Variants in PCDHGA9 observed in about 807,000 individuals in gnomAD.
PCDHGA9 encodes protocadherin gamma subfamily A, 9, also known as protocadherin gamma-A9.
PCDHGA9 carries 37 observed loss-of-function variants against 62.5 expected under a neutral mutation model. That is an observed-to-expected ratio of 0.59 (90% CI 0.46 to 0.78). The LOEUF is 0.78. Among genes scored for constraint, PCDHGA9 ranks in the 30% least tolerant of loss-of-function variants. PCDHGA9 has a pLI of 0.00. For synonymous variants in PCDHGA9, 459 were observed against 484.6 expected (o/e 0.95, Z 0.69); for missense variants, 1,138 against 1,166.2 (o/e 0.98, Z 0.35).
In PCDHGA9 at chr5:141,438,327, A is replaced by G. The variant is rs369043587; in HGVS notation, c.2424+32951A>G. 1.5e-4 allele frequency among the ~76,000 whole-genome samples: 23 copies of G among 152,106 alleles called. No homozygotes were observed. The East Asian group carries it at 4.1e-3, about 27-fold the overall frequency. ...TTGGTACCACCATAATTTTTCTTAT[A>G]CATGTCATATAAGGATCTACTCTGT... On this transcript the variant is annotated intron_variant, in intron 1 of 3. Transcript: ENST00000573521.
intron 2 of PCDHGA9, among the ~76,000 whole-genome samples, chr5:141,504,968 C>A (rs1377016827): frequency 1.3e-5 from 2 of 152,206 alleles, no homozygotes; most frequent in East Asian, 3.9e-4. Context: ...ATTGGACCAG[C>A]CTGGCCAACA....
At chr5:141,455,449 G>A (rs1421095381) in intron 1 of PCDHGA9, among the ~76,000 whole-genome samples, 1 of 152,126 alleles carries the variant, frequency 6.6e-6, no homozygotes, top group Non-Finnish European at 1.5e-5. Flanking sequence ...CATCTACCGC[G>A]GATACCAGCC....
chr5:141,427,192 A>G (rs1191677237), intron 1 of PCDHGA9: 2 of 456,566 alleles, frequency 4.4e-6, no homozygotes, highest in African/African-American at 4.0e-5. Flanking sequence ...AAATCCAAAG[A>G]CTTAATAGAC....
chr5:141,428,618 T>G (rs554092834), intron 1 of PCDHGA9: 12 of 206,130 alleles, frequency 5.8e-5, no homozygotes, highest in Admixed American at 2.6e-4. Context: ...AATAACAAGA[T>G]AAGCTCTAAC....
intron 1 of PCDHGA9, among the ~76,000 whole-genome samples, chr5:141,450,485 TTGTC>T (rs1466269978): frequency 1.3e-5 from 2 of 152,158 alleles, no homozygotes; most frequent in African/African-American, 2.4e-5. Flanking sequence ...GTTTGTTTGT[TTGTC>T]TGTTTGTTTG....
chr5:141,472,856 C>T (rs1251907207), intron 1 of PCDHGA9, among the ~76,000 whole-genome samples: 5 of 150,296 alleles, frequency 3.3e-5, no homozygotes, highest in East Asian at 2.0e-4. Flanking sequence ...CATGGTGGCA[C>T]ATGCCTGTAT....
Position 141,511,040 on chromosome 5 carries a change from C to T in PCDHGA9, c.2666C>T (p.Pro889Leu), listed in dbSNP as rs770767470. The T allele has an allele frequency of 6.2e-7, 1 of 1,614,216 alleles. No individual in the cohort carries two copies. The highest frequency in any genetic ancestry group is 1.7e-5 in the Admixed American group (1 of 60,034). Reference protein sequence around the residue: ...YGPQFTLQHVPDYRQNVYIPG... With the variant: ...YGPQFTLQHVLDYRQNVYIPG... ...CCCCAGTTCACCCTGCAGCACGTGC[C>T]CGACTACCGCCAGAATGTCTACATC... Residue 889 changes from proline (P) to leucine (L), a missense_variant, in exon 4 of 4, where the codon CCC becomes CTC. Physicochemically the swap from Pro to Leu is moderately conservative, Grantham distance 98. Transcript: ENST00000573521.
At chr5:141,418,672 G>A (rs1170411469) in intron 1 of PCDHGA9, 3 of 1,614,022 alleles carry the variant, frequency 1.9e-6, no homozygotes, top group Non-Finnish European at 2.5e-6. Context: ...ACCAGGACGA[G>A]GGCATCAACT....
At chr5:141,434,609 G>A (rs189866750) in intron 1 of PCDHGA9, among the ~76,000 whole-genome samples, 11 of 152,064 alleles carry the variant, frequency 7.2e-5, no homozygotes, top group Non-Finnish European at 1.3e-4. Context: ...CTTTATTTCC[G>A]CCCATCTCTT....
At chr5:141,466,107 G>T (rs1463944825) in intron 1 of PCDHGA9, among the ~76,000 whole-genome samples, 1 of 151,928 alleles carries the variant, frequency 6.6e-6, no homozygotes, top group East Asian at 1.9e-4. Flanking sequence ...GGGCAACAGA[G>T]TGAGACTCCA....
At chr5:141,484,966 G>A in intron 1 of PCDHGA9, 1 of 583,968 alleles carries the variant, frequency 1.7e-6, no homozygotes. Context: ...GAGCCCGGGA[G>A]CCGCTGTCTG....
chr5:141,478,210 A>G, intron 1 of PCDHGA9: 1 of 1,614,064 alleles, frequency 6.2e-7, no homozygotes, highest in East Asian at 2.2e-5. Flanking sequence ...TTCTTTCTCT[A>G]ATCCTGGTTT....
intron 1 of PCDHGA9, chr5:141,428,211 C>T (rs777952475): frequency 2.2e-5 from 28 of 1,284,198 alleles, no homozygotes; most frequent in South Asian, 4.9e-5. Flanking sequence ...CTACGCTTCA[C>T]CTAGTCTTCG....
chr5:141,412,093 GCA>G (rs1252719565), intron 1 of PCDHGA9: 2 of 152,146 alleles, frequency 1.3e-5, no homozygotes, highest in Non-Finnish European at 2.9e-5. Flanking sequence ...GGGTTGATGG[GCA>G]CACACAGTTG....
chr5:141,489,334 C>T lies in PCDHGA9; in HGVS notation c.2425-5473C>T, dbSNP rs768635851. On this transcript the variant is annotated intron_variant, in intron 1 of 3. Transcript: ENST00000573521. This position sits in a 1 kb window ranked among gnomAD's most constrained non-coding sequence, Gnocchi z 4.5. ...CTGGGGCTGGGTGTCTGGGCAGCTTCGTTACTCAGTGGTGGAGGAGTCTGA... is the reference window on the plus strand; with the variant it reads ...CTGGGGCTGGGTGTCTGGGCAGCTTTGTTACTCAGTGGTGGAGGAGTCTGA... The T allele has an allele frequency of 3.7e-6, 6 of 1,606,732 alleles. No individual in the cohort carries two copies. The highest frequency in any genetic ancestry group is 1.1e-5 in the South Asian group (1 of 90,048).
chr5:141,485,383 G>C lies in PCDHGA9; in HGVS notation c.2425-9424G>C. 6.2e-7 allele frequency: 1 copy of C among 1,614,128 alleles called. No individual in the cohort carries two copies. Among genetic ancestry groups the C allele is most frequent in the Non-Finnish European group, 8.5e-7 (1 of 1,180,020 alleles). On this transcript the variant is annotated intron_variant, in intron 1 of 3. Coordinates refer to ENST00000573521, the MANE Select transcript of PCDHGA9 (RefSeq NM_018921.3). The surrounding 1 kb of genome is among the most constrained non-coding windows in gnomAD (Gnocchi z 5.7). Reference sequence around the variant, plus strand: ...GCAGGCTGCAGGTCGCTGGAGAGGTGAACCAAAGACACTTCCGTGTGGATT... The same window carrying C: ...GCAGGCTGCAGGTCGCTGGAGAGGTCAACCAAAGACACTTCCGTGTGGATT...
chr5:141,485,152 A>T lies in PCDHGA9; in HGVS notation c.2425-9655A>T. 1.3e-6 allele frequency: 2 copies of T among 1,586,090 alleles called. No homozygotes were observed. Among genetic ancestry groups the T allele is most frequent in the Non-Finnish European group, 8.6e-7 (1 of 1,157,176 alleles). ...CTTCATCCGCGTCTCAGGAGCAAGT[A>T]GAGAATTAGCGGGCGGCAGCAATGC... On this transcript the variant is annotated intron_variant, in intron 1 of 3. Coordinates refer to ENST00000573521, the MANE Select transcript of PCDHGA9 (RefSeq NM_018921.3). This position sits in a 1 kb window ranked among gnomAD's most constrained non-coding sequence, Gnocchi z 5.7.
At chr5:141,408,929 A>G in intron 1 of PCDHGA9, 1 of 1,613,518 alleles carries the variant, frequency 6.2e-7, no homozygotes, top group Non-Finnish European at 8.5e-7. Context: ...CCCGGTTTTC[A>G]GCAGAGACGA....
chr5:141,470,836 C>T lies in PCDHGA9; in HGVS notation c.2425-23971C>T, dbSNP rs577375498. On this transcript the variant is annotated intron_variant, in intron 1 of 3. Transcript: ENST00000573521. ...CTGAGTAGTTAGGACGACAAACACA[C>T]GCCACCATGCTCAGATAAGTTTTTT... 2.6e-5 allele frequency among the ~76,000 whole-genome samples: 4 copies of T among 152,176 alleles called. No homozygotes were observed. The East Asian group carries it at 5.8e-4, about 22-fold the overall frequency.
Sources: allele counts gnomAD v4.1 joint callset (sites outside exome capture counted in the v4.1 genomes callset), GRCh38; gene constraint gnomAD v4.1.1; non-coding constraint Gnocchi (gnomAD v3.1); transcripts MANE v1.5; gene names NCBI Gene and HGNC (gene_info 2026-07-23, HGNC 2026-07-21).